Variants in GNB1 observed in about 807,000 individuals in gnomAD.
GNB1 encodes the protein guanine nucleotide-binding protein G(I)/G(S)/G(T) subunit beta-1.
In GNB1, 2 loss-of-function variants were observed where a neutral mutation model predicts 42.9. The ratio of observed to expected loss-of-function variants is 0.05; its 90% confidence interval spans 0.02 to 0.15. The LOEUF (loss-of-function observed/expected upper bound fraction) is 0.15, where lower values mean the gene tolerates loss of function less well. GNB1 is among the 10% of genes least tolerant of loss of function. The pLI, the probability that GNB1 is intolerant of heterozygous loss-of-function variation, is 1.00. For missense variants in GNB1, 193 were observed against 462.2 expected (o/e 0.42, Z 5.34); for synonymous variants, 183 against 174.7 (o/e 1.05, Z -0.38).
At chr1:1,866,918 C>G (rs1214423247) in intron 1 of GNB1, among the ~76,000 whole-genome samples, 1 of 151,734 alleles carries the variant, frequency 6.6e-6, no homozygotes, top group East Asian at 1.9e-4. Flanking sequence ...CGCGCCACTG[C>G]ACTCCAACCT....
At chr1:1,867,604 C>A (rs888379343) in intron 1 of GNB1, among the ~76,000 whole-genome samples, 7 of 152,242 alleles carry the variant, frequency 4.6e-5, no homozygotes, top group Non-Finnish European at 8.8e-5. Flanking sequence ...TAAAAATAGA[C>A]TTGCTGGAAC....
In GNB1 at chr1:1,890,601, C is replaced by A. The variant is rs540430520; in HGVS notation, c.-96+219G>T. Among the ~76,000 whole-genome samples, 419 of 148,786 alleles carry A rather than the reference C, an allele frequency of 2.8e-3. 2 individuals are homozygous for A. The highest frequency in any genetic ancestry group is 4.4e-3 in the Non-Finnish European group (295 of 66,728). On this transcript the variant is annotated intron_variant, in intron 1 of 11. Coordinates refer to ENST00000378609, the MANE Select transcript of GNB1 (RefSeq NM_002074.5). Reference sequence around the variant, plus strand: ...GCCCCCAGCCTTGGGCCTGGGACCCCGGCTCCTCTCCCTAGACCCCGCCCT... The same window carrying A: ...GCCCCCAGCCTTGGGCCTGGGACCCAGGCTCCTCTCCCTAGACCCCGCCCT...
intron 7 of GNB1, among the ~76,000 whole-genome samples, chr1:1,803,302 T>C (rs1052575151): frequency 6.6e-5 from 10 of 152,246 alleles, no homozygotes; most frequent in African/African-American, 2.4e-4. Flanking sequence ...AGGGCTCTAT[T>C]ATGCCTCATT....
At chr1:1,865,278 A>AAAAC (rs1553204387) in intron 1 of GNB1, among the ~76,000 whole-genome samples, 1 of 127,360 alleles carries the variant, frequency 7.9e-6, no homozygotes, top group South Asian at 2.5e-4. Context: ...CAAAAAAAAA[A>AAAAC]CAAAAAAAAA....
intron 1 of GNB1, among the ~76,000 whole-genome samples, chr1:1,875,039 C>T (rs1416885095): frequency 6.6e-6 from 1 of 152,144 alleles, no homozygotes; most frequent in African/African-American, 2.4e-5. Context: ...GTTCACGCTC[C>T]TATGAGAATC....
chr1:1,864,827 G>A (rs1648834686), intron 1 of GNB1, among the ~76,000 whole-genome samples: 1 of 152,170 alleles, frequency 6.6e-6, no homozygotes, highest in African/African-American at 2.4e-5. Context: ...AGCTGCTGAT[G>A]CACATCTCCT....
intron 1 of GNB1, among the ~76,000 whole-genome samples, chr1:1,863,076 C>T (rs1288957285): frequency 1.3e-5 from 2 of 152,134 alleles, no homozygotes; most frequent in East Asian, 3.9e-4. Flanking sequence ...GGGGTCATCC[C>T]GGGTGGTGCA....
chr1:1,874,344 C>T (rs1445619210), intron 1 of GNB1, among the ~76,000 whole-genome samples: 2 of 152,010 alleles, frequency 1.3e-5, no homozygotes, highest in Admixed American at 6.6e-5. Context: ...GTGGCTCACG[C>T]GTGTCTGTAA....
At chr1:1,890,661 A>AGCCCCCG (rs1369837740) in intron 1 of GNB1, among the ~76,000 whole-genome samples, 159 bp downstream of exon 1, 1 of 145,174 alleles carries the variant, frequency 6.9e-6, no homozygotes, top group Non-Finnish European at 1.5e-5. Context: ...CTCGGACCCC[A>AGCCCCCG]GCCCCCGGCC....
At position 1,864,944 on chromosome 1, in the gene GNB1, T is replaced by C. The variant is rs570893145; in HGVS notation, c.-95-25706A>G. On this transcript the variant is annotated intron_variant, in intron 1 of 11. Transcript: ENST00000378609. ...GCCTTGTACAGAGTTATGAAGAGTA[T>C]TGCTATCTAACATCTGTTATAAAAA... Among the ~76,000 whole-genome samples, 17 of 152,282 alleles carry C rather than the reference T, an allele frequency of 1.1e-4. No individual in the cohort carries two copies. In the East Asian group the frequency reaches 2.3e-3, roughly 21 times the overall value.
chr1:1,886,063 G>A (rs1650137455), intron 1 of GNB1, among the ~76,000 whole-genome samples: 1 of 151,558 alleles, frequency 6.6e-6, no homozygotes, highest in Admixed American at 6.6e-5. Flanking sequence ...TGTAATCCTA[G>A]AACTTTGGGA....
intron 1 of GNB1, among the ~76,000 whole-genome samples, chr1:1,844,025 C>T (rs1424174206): frequency 6.6e-6 from 1 of 152,006 alleles, no homozygotes; most frequent in Non-Finnish European, 1.5e-5. Context: ...GAAACCCCGT[C>T]TCTACTAAAA....
rs1648541345 is a variant in GNB1, at chr1:1,860,151, A to C, written c.-95-20913T>G. Among the ~76,000 whole-genome samples, 2 of 152,210 alleles carry C rather than the reference A, an allele frequency of 1.3e-5. 1 individual carries two copies. Among genetic ancestry groups the C allele is most frequent in the South Asian group, 4.1e-4 (2 of 4,834 alleles). ...AGCAACATGGATGCAGCTGGAAGCCATTATCCTAAGTGAATTAACACAGCA... is the reference window on the plus strand; with the variant it reads ...AGCAACATGGATGCAGCTGGAAGCCCTTATCCTAAGTGAATTAACACAGCA... On this transcript the variant is annotated intron_variant, in intron 1 of 11. Transcript: ENST00000378609.
At chr1:1,888,129 C>G (rs957121205) in intron 1 of GNB1, among the ~76,000 whole-genome samples, 7 of 152,192 alleles carry the variant, frequency 4.6e-5, no homozygotes, top group Non-Finnish European at 8.8e-5. Context: ...AACTATGGTT[C>G]TGTCATAAAT....
chr1:1,833,140 A>G (rs999194515), intron 2 of GNB1, among the ~76,000 whole-genome samples: 5 of 152,122 alleles, frequency 3.3e-5, no homozygotes, highest in African/African-American at 1.2e-4. Context: ...GGATGGCTGC[A>G]TCTCTGGATG....
At chr1:1,850,144 T>C (rs1223049894) in intron 1 of GNB1, among the ~76,000 whole-genome samples, 1 of 151,892 alleles carries the variant, frequency 6.6e-6, no homozygotes, top group Non-Finnish European at 1.5e-5. Context: ...TTTTTTTTTT[T>C]TTCCAGATGG....
Position 1,790,974 on chromosome 1 carries a change from C to T in GNB1, c.498-378G>A, listed in dbSNP as rs1319514385. On this transcript the variant is annotated intron_variant, in intron 8 of 11. Coordinates refer to ENST00000378609, the MANE Select transcript of GNB1 (RefSeq NM_002074.5). The surrounding 1 kb of genome is among the most constrained non-coding windows in gnomAD (Gnocchi z 5.4). ...GAAGCTACGTGGAGGCCCTGGATGG[C>T]GGAGGGGACGCGACTCTATCTGTGG... 2.0e-5 allele frequency among the ~76,000 whole-genome samples: 3 copies of T among 152,048 alleles called. No homozygotes were observed. Among genetic ancestry groups the T allele is most frequent in the African/African-American group, 4.8e-5 (2 of 41,408 alleles).
chr1:1,830,411 G>A (rs1480407488), intron 2 of GNB1, among the ~76,000 whole-genome samples: 13 of 151,934 alleles, frequency 8.6e-5, no homozygotes, highest in African/African-American at 1.7e-4. Flanking sequence ...ACAGGCGCCC[G>A]CCACCACGCC....
At chr1:1,857,797 A>G (rs574671615) in intron 1 of GNB1, among the ~76,000 whole-genome samples, 1 of 152,276 alleles carries the variant, frequency 6.6e-6, no homozygotes, top group African/African-American at 2.4e-5. Context: ...TCCTATACAA[A>G]TGATAGGAAC....
Sources: allele counts gnomAD v4.1 joint callset (sites outside exome capture counted in the v4.1 genomes callset), GRCh38; gene constraint gnomAD v4.1.1; non-coding constraint Gnocchi (gnomAD v3.1); transcripts MANE v1.5; gene names NCBI Gene and HGNC (gene_info 2026-07-23, HGNC 2026-07-21).